The following DERL2 variants were observed in gnomAD, a reference collection of about 807,000 sequenced individuals.
DERL2 encodes the protein derlin-2.
DERL2 carries 13 observed loss-of-function variants against 32.0 expected under a neutral mutation model. That is an observed-to-expected ratio of 0.41 (90% CI 0.26 to 0.65). DERL2 has a LOEUF of 0.65. Ranked by LOEUF, DERL2 falls within the 30% of genes least tolerant of loss-of-function variation. The probability of loss-of-function intolerance (pLI) is 0.35; values close to 1 mark genes in which losing one functional copy is unlikely to be tolerated. For synonymous variants in DERL2, 111 were observed against 104.7 expected (o/e 1.06, Z -0.37); for missense variants, 208 against 296.3 (o/e 0.70, Z 2.19).
intron 1 of DERL2, 27 bp from the exon 2 acceptor site, chr17:5,485,243 G>A: frequency 7.0e-7 from 1 of 1,437,942 alleles, no homozygotes; most frequent in Non-Finnish European, 9.3e-7. Context: ...GCTTCTTAAA[G>A]CAAATCAAGA....
chr17:5,474,642 C>A lies in DERL2; in HGVS notation c.*42G>T. On this transcript the variant is annotated 3_prime_UTR_variant, in exon 7 of 7. Coordinates refer to ENST00000158771, the MANE Select transcript of DERL2 (RefSeq NM_016041.5). The surrounding 1 kb of genome is among the most constrained non-coding windows in gnomAD (Gnocchi z 4.3). ...GGATAAAAGATCCCAGTGGGTATCA[C>A]CGAGTCCTTCCCAGCTGGGTCTCAT... The A allele has an allele frequency of 6.7e-7, 1 of 1,485,948 alleles. No homozygotes were observed. The highest frequency in any genetic ancestry group is 1.2e-5 in the South Asian group (1 of 85,452). The allele number at this position is 1,485,948 out of a possible 1,614,324, so 92.0% of individuals were successfully genotyped here. A position where few individuals can be genotyped will look rare whatever the true frequency, so the allele number is the denominator to read the frequency against.
Position 5,474,568 on chromosome 17 carries a change from G to A in DERL2, c.*116C>T, listed in dbSNP as rs3026153. On this transcript the variant is annotated 3_prime_UTR_variant, in exon 7 of 7. Transcript: ENST00000158771. This position sits in a 1 kb window ranked among gnomAD's most constrained non-coding sequence, Gnocchi z 4.3. Reference sequence around the variant, plus strand: ...TGTACCATTTCATAAAGTGCTTCTGGAGTTAAAATCTGCCAAGCTGTCAAA... The same window carrying A: ...TGTACCATTTCATAAAGTGCTTCTGAAGTTAAAATCTGCCAAGCTGTCAAA... The A allele has an allele frequency of 0.013, 9,489 of 722,080 alleles. 84 individuals carry two copies. Among genetic ancestry groups the A allele is most frequent in the South Asian group, 0.017 (908 of 53,082 alleles). The allele number at this position is 722,080 out of a possible 1,614,324, so 44.7% of individuals were successfully genotyped here. A position where few individuals can be genotyped will look rare whatever the true frequency, so the allele number is the denominator to read the frequency against.
rs973772876 is a variant in DERL2, at chr17:5,472,217, G to T, written c.*2467C>A. ...AGTGTGCTTTTCAGTATCACTAGAA[G>T]AATCCAGGAATCCCTCAAATTATGT... On this transcript the variant is annotated 3_prime_UTR_variant, in exon 7 of 7. Transcript: ENST00000158771. The T allele has an allele frequency of 3.3e-5, 5 of 152,200 alleles. No homozygotes were observed. The highest frequency in any genetic ancestry group is 5.9e-5 in the Non-Finnish European group (4 of 68,046). 9.4% of individuals were successfully genotyped at this position (152,200 alleles called of 1,614,324 possible). A position where few individuals can be genotyped will look rare whatever the true frequency, so the allele number is the denominator to read the frequency against.
intron 2 of DERL2, 108 bp from the exon 3 acceptor site, chr17:5,482,990 C>G (rs1905891759): frequency 1.7e-6 from 1 of 603,788 alleles, no homozygotes; most frequent in African/African-American, 1.9e-5. Flanking sequence ...GGTTGAGAAG[C>G]CTTGGACAGA....
At chr17:5,475,742 G>A (rs1363065421) in intron 6 of DERL2, among the ~76,000 whole-genome samples, 1 of 152,026 alleles carries the variant, frequency 6.6e-6, no homozygotes. Flanking sequence ...GAGCAAGACT[G>A]TCTCAAAAAA....
chr17:5,478,818 G>C (rs1469101109), intron 6 of DERL2, among the ~76,000 whole-genome samples: 1 of 152,156 alleles, frequency 6.6e-6, no homozygotes, highest in Non-Finnish European at 1.5e-5. Flanking sequence ...AAGTTTACAA[G>C]GTTACAAAAA....
At chr17:5,486,345 G>A (rs1363872519), upstream of DERL2, 4 of 421,876 alleles carry the variant, frequency 9.5e-6, no homozygotes, top group Admixed American at 1.6e-4. Context: ...ATCACGAGTT[G>A]CGTCGCCACC....
At chr17:5,477,601 G>C (rs1905477278) in intron 6 of DERL2, among the ~76,000 whole-genome samples, 1 of 152,144 alleles carries the variant, frequency 6.6e-6, no homozygotes, top group Non-Finnish European at 1.5e-5. Context: ...GGATAGGTGT[G>C]CAATAAGAAT....
Position 5,485,021 on chromosome 17 carries a change from G to A in DERL2, c.159+130C>T, listed in dbSNP as rs892453541. The A allele has an allele frequency of 5.5e-6, 3 of 546,078 alleles. No individual in the cohort carries two copies. The Middle Eastern group carries it at 1.1e-3, about 193-fold the overall frequency. The allele number at this position is 546,078 out of a possible 1,614,324, so 33.8% of individuals were successfully genotyped here. A position where few individuals can be genotyped will look rare whatever the true frequency, so the allele number is the denominator to read the frequency against. On this transcript the variant is annotated intron_variant, in intron 2 of 6. Transcript: ENST00000158771. ...CTGCAGAATCACTGCTTTATATCCT[G>A]ACAAGGCAACTTATAATCAAAGGTC...
chr17:5,478,822 A>C (rs1309773479), intron 6 of DERL2, among the ~76,000 whole-genome samples: 4 of 152,224 alleles, frequency 2.6e-5, no homozygotes, highest in Admixed American at 2.6e-4. Flanking sequence ...TTACAAGGTT[A>C]CAAAAATTGT....
Position 5,474,745 on chromosome 17 carries a change from G to T in DERL2, c.659C>A (p.Pro220Gln). 6.2e-7 allele frequency: 1 copy of T among 1,613,728 alleles called. No individual in the cohort carries two copies. The highest frequency in any genetic ancestry group is 8.5e-7 in the Non-Finnish European group (1 of 1,179,844). ...DTPDEDPNYN[P>Q]LPEERPGGFA... ...GCCTCCTGGCCGTTCCTCAGGTAGT[G>T]GATTGTAATTTGGATCCTCATCTGG... The change falls in exon 7 of 7, where the codon CCA (proline) becomes CAA (glutamine). Residue 220 changes from proline (P) to glutamine (Q), a missense_variant. Pro to Gln is a moderately conservative substitution (Grantham distance 76, BLOSUM62 -1). Transcript: ENST00000158771. This position sits in a 1 kb window ranked among gnomAD's most constrained non-coding sequence, Gnocchi z 4.3.
In DERL2 at chr17:5,471,746, C is replaced by T. The variant is rs773388322; in HGVS notation, c.*2938G>A. ...ATATGTTTAAGTAGCCTGGAGACAT[C>T]CTACAGAACACAGAAAATAATGGCA... On this transcript the variant is annotated 3_prime_UTR_variant, in exon 7 of 7. Transcript: ENST00000158771. 1 of 152,100 alleles carries T rather than the reference C, an allele frequency of 6.6e-6. No individual in the cohort carries two copies. The highest frequency in any genetic ancestry group is 1.5e-5 in the Non-Finnish European group (1 of 68,028). The allele number at this position is 152,100 out of a possible 1,614,324, so 9.4% of individuals were successfully genotyped here.
chr17:5,480,543 C>A lies in DERL2; in HGVS notation c.367G>T (p.Ala123Ser). ...ACATAGACGAGCATTATTGTAAAGG[C>A]CTGGCCCAAGAAAACTAAGCTCACA... ...LFVSLVFLGQ[A>S]FTIMLVYVWS... The change falls in exon 5 of 7, where the codon GCC becomes TCC. Residue 123 changes from alanine to serine, a missense_variant. Ala to Ser is a moderately conservative substitution (Grantham distance 99, BLOSUM62 1). Transcript: ENST00000158771. 6.4e-7 allele frequency: 1 copy of A among 1,556,072 alleles called. No individual in the cohort carries two copies. Among genetic ancestry groups the A allele is most frequent in the Non-Finnish European group, 8.6e-7 (1 of 1,159,160 alleles).
At chr17:5,477,915 A>G (rs1441711325) in intron 6 of DERL2, 3 of 152,248 alleles carry the variant, frequency 2.0e-5, no homozygotes, top group African/African-American at 7.2e-5. Flanking sequence ...CAATGAGCAC[A>G]TCTAGCACCC....
intron 1 of DERL2, chr17:5,485,743 C>T: frequency 3.3e-6 from 1 of 301,232 alleles, no homozygotes; most frequent in East Asian, 5.5e-5. Context: ...GGACCTTCCT[C>T]TCACTAGTCA....
chr17:5,483,326 T>A (rs1193883579), intron 2 of DERL2, among the ~76,000 whole-genome samples: 3 of 150,282 alleles, frequency 2.0e-5, no homozygotes, highest in African/African-American at 7.4e-5. Context: ...GAAAGGAAAA[T>A]TCTTTTTTTT....
At chr17:5,482,626 T>C in intron 3 of DERL2, 183 bp downstream of exon 3, 1 of 482,790 alleles carries the variant, frequency 2.1e-6, no homozygotes, top group Non-Finnish European at 3.8e-6. Context: ...ACCTCCCATT[T>C]GAACAAAGTG....
chr17:5,478,950 G>C (rs531242013), intron 6 of DERL2, among the ~76,000 whole-genome samples: 1 of 152,308 alleles, frequency 6.6e-6, no homozygotes, highest in South Asian at 2.1e-4. Context: ...CTCTCGAGTA[G>C]CTGGGATTAC....
chr17:5,483,928 T>C (rs1338426371), intron 2 of DERL2, among the ~76,000 whole-genome samples: 1 of 152,248 alleles, frequency 6.6e-6, no homozygotes, highest in East Asian at 1.9e-4. Context: ...TGAGAATTGT[T>C]AACTATTAAA....
Sources: allele counts gnomAD v4.1 joint callset (sites outside exome capture counted in the v4.1 genomes callset), GRCh38; gene constraint gnomAD v4.1.1; non-coding constraint Gnocchi (gnomAD v3.1); transcripts MANE v1.5; gene names NCBI Gene and HGNC (gene_info 2026-07-23, HGNC 2026-07-21).